OSBPL10: variants seen among roughly 807,000 people sequenced by gnomAD.
The protein encoded by OSBPL10 is oxysterol-binding protein-related protein 10.
In OSBPL10, 49 loss-of-function variants were observed where a neutral mutation model predicts 81.7. The ratio of observed to expected loss-of-function variants is 0.60; its 90% CI spans 0.48 to 0.76. The LOEUF is 0.76. Ranked by LOEUF, OSBPL10 falls within the 30% of genes least tolerant of loss-of-function variation. The pLI is 0.00. For missense variants in OSBPL10, 923 were observed against 987.8 expected, an observed-to-expected ratio of 0.93 and a Z score of 0.88; for synonymous variants, 419 against 383.6, an observed-to-expected ratio of 1.09 and a Z score of -1.08.
At chr3:31,733,542 T>G (rs1006596393) in intron 5 of OSBPL10, 131 bp from the exon 6 acceptor site, 7 of 1,018,928 alleles carry the variant, frequency 6.9e-6, no homozygotes, top group Non-Finnish European at 1.0e-5. Context: ...AGGGCTTGTT[T>G]TGAATGAAGT....
intron 1 of OSBPL10, among the ~76,000 whole-genome samples, chr3:31,885,360 T>C (rs1695703868): frequency 6.6e-6 from 1 of 152,054 alleles, no homozygotes; most frequent in South Asian, 2.1e-4. Flanking sequence ...CACTCACACA[T>C]TCATAACCAC....
At position 31,879,708 on chromosome 3, in the gene OSBPL10, G is replaced by A; in HGVS notation, c.404C>T (p.Ala135Val). The part of the protein sequence containing the change: ...SGAIVSLSDE[A>V]PHMLVVYSAN... ...AGAGTACACCACCAGCATGTGGGGA[G>A]CTTCATCGCTCAGGGACACTATGGC... The change falls in exon 2 of 12, where the codon GCT becomes GTT. Residue 135 changes from alanine (A) to valine (V), a missense_variant. Ala to Val is a moderately conservative substitution (Grantham distance 64). Transcript: ENST00000396556. The A allele has an allele frequency of 6.2e-7, 1 of 1,614,204 alleles. No homozygotes were observed.
At chr3:32,034,319 T>C (rs1699499369) in intron 2 of OSBPL10, among the ~76,000 whole-genome samples, 1 of 151,890 alleles carries the variant, frequency 6.6e-6, no homozygotes, top group Non-Finnish European at 1.5e-5. Flanking sequence ...CCCCAGCCTG[T>C]AGTCCCAGCT....
intron 4 of OSBPL10, among the ~76,000 whole-genome samples, chr3:31,764,279 C>A (rs1698138193): frequency 6.6e-6 from 1 of 152,236 alleles, no homozygotes; most frequent in African/African-American, 2.4e-5. Flanking sequence ...CCACATATAT[C>A]TCTCTCCACG....
intron 1 of OSBPL10, among the ~76,000 whole-genome samples, chr3:32,049,932 CCCTTT>C (rs1383604255): frequency 1.3e-5 from 2 of 152,178 alleles, no homozygotes; most frequent in African/African-American, 4.8e-5. Flanking sequence ...TTTCTCCCTT[CCCTTT>C]CCTCTCTTTC....
At chr3:31,956,294 G>A (rs1698004551) in intron 1 of OSBPL10, among the ~76,000 whole-genome samples, 1 of 152,220 alleles carries the variant, frequency 6.6e-6, no homozygotes, top group Non-Finnish European at 1.5e-5. Flanking sequence ...GGAGGACAAG[G>A]AGAGTTGAGG....
intron 10 of OSBPL10, 153 bp from the exon 11 acceptor site, chr3:31,664,385 T>G: frequency 1.4e-6 from 1 of 699,276 alleles, no homozygotes; most frequent in Non-Finnish European, 2.4e-6. Context: ...CCCGAGAGCC[T>G]AGATTTGAAC....
rs569713251 is a variant in OSBPL10, at chr3:32,037,485, T to TA, written n.298+9005dup. The TA allele has an allele frequency of 3.8e-3, 706 of 185,256 alleles. 2 individuals carry two copies. Among genetic ancestry groups the TA allele is most frequent in the South Asian group, 0.019 (172 of 9,114 alleles). 11.5% of individuals were successfully genotyped at this position (185,256 alleles called of 1,614,324 possible). On this transcript the variant is annotated intron_variant and non_coding_transcript_variant, in intron 2 of 3. Transcript: ENST00000479173. ...GGCAACATAGCAAGACCCCCATTTC[T>TA]AAAAAAATTTTTTTTTTCAATTTTT...
intron 6 of OSBPL10, among the ~76,000 whole-genome samples, chr3:31,706,502 G>T (rs920140506): frequency 3.9e-5 from 6 of 152,074 alleles, no homozygotes; most frequent in Middle Eastern, 3.4e-3. Context: ...AGCATCTACA[G>T]ATGTGACTCT....
intron 7 of OSBPL10, among the ~76,000 whole-genome samples, chr3:31,684,337 C>T (rs17027961): frequency 0.068 from 10,352 of 152,232 alleles, 634 homozygotes; most frequent in African/African-American, 0.16. Context: ...GACAAGACTG[C>T]TCTGAGTGAT....
intron 1 of OSBPL10, among the ~76,000 whole-genome samples, chr3:31,934,387 C>T (rs1425636411): frequency 6.7e-6 from 1 of 148,264 alleles, no homozygotes; most frequent in African/African-American, 2.5e-5. Flanking sequence ...ATTTCATAGT[C>T]AAAGACCATC....
At chr3:31,930,753 AC>A (rs1341592065) in intron 1 of OSBPL10, among the ~76,000 whole-genome samples, 1 of 152,060 alleles carries the variant, frequency 6.6e-6, no homozygotes, top group African/African-American at 2.4e-5. Flanking sequence ...GGTGGCTCAC[AC>A]CTATAATCCC....
At chr3:31,938,271 T>C (rs1374078909) in intron 1 of OSBPL10, among the ~76,000 whole-genome samples, 4 of 152,060 alleles carry the variant, frequency 2.6e-5, no homozygotes, top group Admixed American at 6.6e-5. Flanking sequence ...TAACCAATGA[T>C]CTCAACTCCC....
At chr3:31,952,725 T>G (rs1697904038) in intron 1 of OSBPL10, among the ~76,000 whole-genome samples, 1 of 152,194 alleles carries the variant, frequency 6.6e-6, no homozygotes, top group South Asian at 2.1e-4. Flanking sequence ...ATCAGTTGGC[T>G]CTGATATTAC....
At chr3:32,044,287 A>G (rs972669748) in intron 2 of OSBPL10, among the ~76,000 whole-genome samples, 3 of 151,292 alleles carry the variant, frequency 2.0e-5, no homozygotes, top group Non-Finnish European at 4.4e-5. Flanking sequence ...GTAATATAAG[A>G]TTCATATTAT....
At chr3:31,802,275 G>T (rs934725027) in intron 4 of OSBPL10, among the ~76,000 whole-genome samples, 3 of 151,596 alleles carry the variant, frequency 2.0e-5, no homozygotes, top group Non-Finnish European at 4.4e-5. Context: ...GAATTCTCTG[G>T]GGCTGGGCAT....
intron 11 of OSBPL10, 196 bp from the exon 12 acceptor site, chr3:31,662,312 G>A (rs1447771712): frequency 9.9e-6 from 13 of 1,309,296 alleles, no homozygotes; most frequent in Non-Finnish European, 1.3e-5. Flanking sequence ...TCCTACCCTG[G>A]CATGGCAGGA....
chr3:31,830,407 T>C (rs1700211592), intron 3 of OSBPL10, among the ~76,000 whole-genome samples, 176 bp from the exon 4 acceptor site: 1 of 152,198 alleles, frequency 6.6e-6, no homozygotes, highest in Non-Finnish European at 1.5e-5. Context: ...CTCACTGAAC[T>C]GCCCTTCCTT....
chr3:31,920,021 A>G (rs1044874528), intron 1 of OSBPL10, among the ~76,000 whole-genome samples: 6 of 152,252 alleles, frequency 3.9e-5, no homozygotes, highest in Non-Finnish European at 8.8e-5. Context: ...AATAATGACT[A>G]TGAGTTCTGA....
Sources: gnomAD v4.1 joint callset for allele counts (sites outside exome capture counted in the v4.1 genomes callset) on GRCh38, gnomAD v4.1.1 for gene constraint, MANE v1.5 for transcripts, NCBI Gene and HGNC (gene_info 2026-07-23, HGNC 2026-07-21) for gene names.